Variants in ABCB9 observed in about 807,000 individuals in gnomAD.
The protein encoded by ABCB9 is ATP binding cassette subfamily B member 9, also known as ABC-type oligopeptide transporter ABCB9.
ABCB9 carries 36 observed loss-of-function variants against 62.0 expected under a neutral mutation model. The observed-to-expected ratio is 0.58, with a 90% CI of 0.45 to 0.77. The LOEUF (loss-of-function observed/expected upper bound fraction) is 0.77, where lower values mean the gene tolerates loss of function less well. Among genes scored for constraint, ABCB9 ranks in the 30% least tolerant of loss-of-function variants. The pLI, the probability that ABCB9 is intolerant of heterozygous loss-of-function variation, is 0.00. For synonymous variants in ABCB9, 435 were observed against 461.4 expected (o/e 0.94, Z 0.73); for missense variants, 943 against 1,054.7 (o/e 0.89, Z 1.47).
intron 1 of ABCB9, among the ~76,000 whole-genome samples, chr12:122,961,563 A>G (rs529874253): frequency 3.0e-4 from 45 of 152,232 alleles, no homozygotes; most frequent in African/African-American, 1.1e-3. Context: ...GACTTGAAAG[A>G]GTTATGGAAG....
In ABCB9 at chr12:122,959,780, G is replaced by T; in HGVS notation, c.456C>A (p.Ala152=). The change falls in exon 2 of 12, where the codon GCC becomes GCA. Residue 152 remains alanine (A), a synonymous_variant. Transcript: ENST00000280560. The surrounding 1 kb of genome is among the most constrained non-coding windows in gnomAD (Gnocchi z 5.4). ...PGTQALEPGA[A]TEAEGFPGSG... is the part of the protein sequence containing the mutation. ...TCCCAGGGAAGCCCTCAGCCTCGGT[G>T]GCCGCCCCTGGCTCCAGGGCCTGGG... The T allele has an allele frequency of 6.2e-7, 1 of 1,611,972 alleles. No individual in the cohort carries two copies. Among genetic ancestry groups the T allele is most frequent in the Non-Finnish European group, 8.5e-7 (1 of 1,179,274 alleles).
chr12:122,949,788 C>T lies in ABCB9; in HGVS notation c.847G>A (p.Gly283Arg). 1.2e-6 allele frequency: 2 copies of T among 1,614,110 alleles called. No homozygotes were observed. The highest frequency in any genetic ancestry group is 1.7e-5 in the Admixed American group (1 of 60,018). ...CACCTAGGGCACTGGAAGGACCAACCTGTGCGGTTCTCATCAAAGAAGCTT... is the reference window on the plus strand; with the variant it reads ...CACCTAGGGCACTGGAAGGACCAACTTGTGCGGTTCTCATCAAAGAAGCTT... ...ETSFFDENRTGDLISRLTSDT... is the reference protein window; with the variant it reads ...ETSFFDENRTRDLISRLTSDT... The change falls in exon 4 of 12, where the codon GGG becomes AGG. Residue 283 changes from glycine to arginine, a missense_variant and splice_region_variant. Coordinates refer to ENST00000280560, the MANE Select transcript of ABCB9 (RefSeq NM_019625.4).
upstream of ABCB9, among the ~76,000 whole-genome samples, chr12:122,968,483 A>T (rs541811491): frequency 6.6e-6 from 1 of 152,328 alleles, no homozygotes; most frequent in South Asian, 2.1e-4. Flanking sequence ...CCTTTATGTA[A>T]CTACTAGCAT....
downstream of ABCB9, among the ~76,000 whole-genome samples, chr12:122,920,152 AT>A (rs2034713665): frequency 1.3e-5 from 2 of 152,088 alleles, no homozygotes; most frequent in African/African-American, 2.4e-5. Context: ...AAGTGCTGGG[AT>A]TACAGGCATG....
In ABCB9 at chr12:122,947,634, C is replaced by T. The variant is rs1238373190; in HGVS notation, c.1053+990G>A. On this transcript the variant is annotated intron_variant, in intron 5 of 11. Transcript: ENST00000280560. The surrounding 1 kb of genome is among the most constrained non-coding windows in gnomAD (Gnocchi z 6.0). ...CTGTCCCTTAGGGCTCGGGGGCACC[C>T]GCCCATTCAGGAAGCAGGAGGAGGG... is the stretch of plus-strand genomic sequence containing the variant. The T allele has an allele frequency of 1.8e-5, 5 of 280,400 alleles. No individual in the cohort carries two copies. Among genetic ancestry groups the T allele is most frequent in the Admixed American group, 1.2e-4 (3 of 24,410 alleles). The allele number at this position is 280,400 out of a possible 1,614,324, so 17.4% of individuals were successfully genotyped here. A position where few individuals can be genotyped will look rare whatever the true frequency, so the allele number is the denominator to read the frequency against.
At position 122,932,464 on chromosome 12, in the gene ABCB9, T is replaced by TC; in HGVS notation, c.1904-137dup. ...AACTTGAAAGCTCATGAAATGATGTTCCCCCCACCCAACTCATAAGGGGCA... is the reference window on the plus strand; with the variant it reads ...AACTTGAAAGCTCATGAAATGATGTTCCCCCCCACCCAACTCATAAGGGGCA... On this transcript the variant is annotated intron_variant, in intron 10 of 11. Coordinates refer to ENST00000280560, the MANE Select transcript of ABCB9 (RefSeq NM_019625.4). This position sits in a 1 kb window ranked among gnomAD's most constrained non-coding sequence, Gnocchi z 4.7. 1.7e-6 allele frequency: 2 copies of TC among 1,197,812 alleles called. No individual in the cohort carries two copies. Among genetic ancestry groups the TC allele is most frequent in the Non-Finnish European group, 2.3e-6 (2 of 881,982 alleles). 74.2% of individuals were successfully genotyped at this position (1,197,812 alleles called of 1,614,324 possible).
chr12:122,932,033 C>G lies in ABCB9; in HGVS notation c.2040+159G>C. ...GCTGGGTCCAGAGTGGCTCCTGGCT[C>G]CCCACTCTCAACACCAGGAATTCAC... On this transcript the variant is annotated intron_variant, in intron 11 of 11. Coordinates refer to ENST00000280560, the MANE Select transcript of ABCB9 (RefSeq NM_019625.4). This position sits in a 1 kb window ranked among gnomAD's most constrained non-coding sequence, Gnocchi z 4.7. 1 of 1,317,120 alleles carries G rather than the reference C, an allele frequency of 7.6e-7. No individual in the cohort carries two copies. Among genetic ancestry groups the G allele is most frequent in the Non-Finnish European group, 1.0e-6 (1 of 958,694 alleles). The allele number at this position is 1,317,120 out of a possible 1,614,324, so 81.6% of individuals were successfully genotyped here.
In ABCB9 at chr12:122,944,473, T is replaced by C; in HGVS notation, c.1298A>G (p.His433Arg). 6.2e-7 allele frequency: 1 copy of C among 1,614,046 alleles called. No individual in the cohort carries two copies. Among genetic ancestry groups the C allele is most frequent in the Non-Finnish European group, 8.5e-7 (1 of 1,179,982 alleles). Reference sequence around the variant, plus strand: ...GGTCATCTGGCCTGAGATGACAAGGTGGCCCCCGTAGTAGAGGATGCTGAC... The same window carrying C: ...GGTCATCTGGCCTGAGATGACAAGGCGGCCCCCGTAGTAGAGGATGCTGAC... ...VQVSILYYGG[H>R]LVISGQMTSG... Residue 433 changes from histidine (H) to arginine (R), a missense_variant, in exon 7 of 12, where the codon CAC (histidine) becomes CGC (arginine). By Grantham distance (29) the His-to-Arg change is conservative (BLOSUM62 0). Coordinates refer to ENST00000280560, the MANE Select transcript of ABCB9 (RefSeq NM_019625.4). The surrounding 1 kb of genome is among the most constrained non-coding windows in gnomAD (Gnocchi z 4.9).
chr12:122,938,678 A>T (rs886150989), intron 9 of ABCB9, among the ~76,000 whole-genome samples: 5 of 151,946 alleles, frequency 3.3e-5, no homozygotes, highest in African/African-American at 9.7e-5. Flanking sequence ...AATACAAAAA[A>T]TTAGCCAGGC....
upstream of ABCB9, among the ~76,000 whole-genome samples, chr12:122,969,798 A>C (rs1462405802): frequency 6.6e-6 from 1 of 152,176 alleles, no homozygotes; most frequent in Admixed American, 6.5e-5. Flanking sequence ...ATGCAAATTA[A>C]AACAGCAATG....
At chr12:122,971,512 C>A (rs1273562426) in intron 1 of ABCB9, among the ~76,000 whole-genome samples, 1 of 151,948 alleles carries the variant, frequency 6.6e-6, no homozygotes, top group Non-Finnish European at 1.5e-5. Context: ...TGGGGTTCAG[C>A]AGCATGACCT....
At position 122,959,944 on chromosome 12, in the gene ABCB9, T is replaced by C. The variant is rs766963390; in HGVS notation, c.292A>G (p.Met98Val). 2.3e-5 allele frequency: 37 copies of C among 1,613,176 alleles called. No homozygotes were observed. The highest frequency in any genetic ancestry group is 1.6e-4 in the Middle Eastern group (1 of 6,084). ...TCTGAGAAGAGCAGCAGCTTCACCA[T>C]GGCATAGATGCCCACGAAGAGGCAC... ...LVCLFVGIYA[M>V]VKLLLFSEVR... The change falls in exon 2 of 12, where the codon ATG (methionine) becomes GTG (valine). Residue 98 changes from methionine (M) to valine (V), a missense_variant. Coordinates refer to ENST00000280560, the MANE Select transcript of ABCB9 (RefSeq NM_019625.4). This position sits in a 1 kb window ranked among gnomAD's most constrained non-coding sequence, Gnocchi z 5.4.
chr12:122,968,578 G>T (rs2037235547), upstream of ABCB9, among the ~76,000 whole-genome samples: 1 of 151,336 alleles, frequency 6.6e-6, no homozygotes, highest in South Asian at 2.1e-4. Context: ...TTCTTCACAT[G>T]GATGTTGCTT....
At position 122,962,319 on chromosome 12, in the gene ABCB9, G is replaced by A. The variant is rs543487298; in HGVS notation, c.-87-1997C>T. ...TGTCTCAGCTCCAGTCCTTCCTCCC[G>A]TGGGCCTTTTGTTGTCATATCTGCA... is the stretch of plus-strand genomic sequence containing the variant. On this transcript the variant is annotated intron_variant, in intron 1 of 11. Coordinates refer to ENST00000280560, the MANE Select transcript of ABCB9 (RefSeq NM_019625.4). 9.9e-5 allele frequency among the ~76,000 whole-genome samples: 15 copies of A among 152,208 alleles called. No individual in the cohort carries two copies. The South Asian group carries it at 3.1e-3, about 32-fold the overall frequency.
chr12:122,932,401 C>A lies in ABCB9; in HGVS notation c.1904-73G>T, dbSNP rs1168730784. On this transcript the variant is annotated intron_variant, in intron 10 of 11. Coordinates refer to ENST00000280560, the MANE Select transcript of ABCB9 (RefSeq NM_019625.4). This position sits in a 1 kb window ranked among gnomAD's most constrained non-coding sequence, Gnocchi z 4.7. ...CAGCACCGGGGAAGAGTGAGAGGCC[C>A]TGCCCTGCAGCTGTGGAAAGGGCGG... is the stretch of plus-strand genomic sequence containing the variant. The A allele has an allele frequency of 1.3e-6, 2 of 1,490,364 alleles. No individual in the cohort carries two copies. The allele number at this position is 1,490,364 out of a possible 1,614,324, so 92.3% of individuals were successfully genotyped here. A position where few individuals can be genotyped will look rare whatever the true frequency, so the allele number is the denominator to read the frequency against.
rs540089660 is a variant in ABCB9 at position 122,929,872 on chromosome 12, C to T, written c.*39G>A. The T allele has an allele frequency of 2.2e-5, 33 of 1,497,320 alleles. No individual in the cohort carries two copies. Among genetic ancestry groups the T allele is most frequent in the South Asian group, 6.5e-5 (5 of 76,838 alleles). 92.8% of individuals were successfully genotyped at this position (1,497,320 alleles called of 1,614,324 possible). ...GTGGGCACATCTGCCAGGCAGGCAC[C>T]GGGTCCTCTGCCCCACCGGGAGAAG... is the stretch of plus-strand genomic sequence containing the variant. On this transcript the variant is annotated 3_prime_UTR_variant, in exon 12 of 12. Coordinates refer to ENST00000280560, the MANE Select transcript of ABCB9 (RefSeq NM_019625.4). This position sits in a 1 kb window ranked among gnomAD's most constrained non-coding sequence, Gnocchi z 6.0.
In ABCB9 at chr12:122,943,489, T is replaced by C. The variant is rs143552278; in HGVS notation, c.1380+902A>G. Among the ~76,000 whole-genome samples the C allele has an allele frequency of 5.2e-3, 788 of 152,310 alleles. 4 individuals carry two copies. The highest frequency in any genetic ancestry group is 9.2e-3 in the Admixed American group (140 of 15,296). ...CCTGAGCCCCGTTCCCGAGCAAATG[T>C]GATGGACGAGTCACTCCACCGCTCA... On this transcript the variant is annotated intron_variant, in intron 7 of 11. Coordinates refer to ENST00000280560, the MANE Select transcript of ABCB9 (RefSeq NM_019625.4).
chr12:122,942,410 C>A (rs143971667), intron 7 of ABCB9, among the ~76,000 whole-genome samples: 6,454 of 151,816 alleles, frequency 0.043, 449 homozygotes, highest in African/African-American at 0.15. Context: ...CAACATGGTG[C>A]AACCCCATTT....
chr12:122,966,012 C>T (rs1330146331), intron 1 of ABCB9, among the ~76,000 whole-genome samples: 1 of 152,242 alleles, frequency 6.6e-6, no homozygotes, highest in Admixed American at 6.5e-5. Flanking sequence ...CAGGATCCTC[C>T]AACACCTCCC....
Sources: allele counts gnomAD v4.1 joint callset (sites outside exome capture counted in the v4.1 genomes callset), GRCh38; gene constraint gnomAD v4.1.1; non-coding constraint Gnocchi (gnomAD v3.1); transcripts MANE v1.5; gene names NCBI Gene and HGNC (gene_info 2026-07-23, HGNC 2026-07-21).